Variants in SMCO4 observed in about 807,000 individuals in gnomAD.
The protein encoded by SMCO4 is single-pass membrane and coiled-coil domain-containing protein 4.
Under a neutral mutation model 3.6 loss-of-function variants are expected in SMCO4, and 4 were observed. The observed-to-expected ratio is 1.11, with a 90% CI of 0.54 to 2.53. SMCO4 has a LOEUF of 2.53. Among genes scored for constraint, SMCO4 ranks in the 30% most tolerant of loss-of-function variants. The pLI is 0.02. For missense variants in SMCO4, 70 were observed against 80.8 expected (o/e 0.87, Z 0.51); for synonymous variants, 36 against 35.3 (o/e 1.02, Z -0.07).
chr11:93,510,478 C>A (rs1272222868), intron 1 of SMCO4, among the ~76,000 whole-genome samples: 1 of 152,180 alleles, frequency 6.6e-6, no homozygotes. Context: ...AAAAAACAGT[C>A]ACTTTTCCTG....
intron 2 of SMCO4, among the ~76,000 whole-genome samples, chr11:93,484,281 C>T (rs1310656248): frequency 3.0e-4 from 45 of 152,168 alleles, no homozygotes; most frequent in Admixed American, 2.7e-3. Context: ...AGAACTTTCC[C>T]GTCTTTTCCT....
chr11:93,550,949 C>T, the SMCO4 span, among the ~76,000 whole-genome samples: 1 of 152,172 alleles, frequency 6.6e-6, no homozygotes, highest in South Asian at 2.1e-4. Flanking sequence ...AAAGGTGTTT[C>T]CTATCAACTA....
chr11:93,544,191 A>G (rs2134647235), upstream of SMCO4, among the ~76,000 whole-genome samples: 1 of 152,344 alleles, frequency 6.6e-6, no homozygotes, highest in African/African-American at 2.4e-5. Flanking sequence ...ATTAATTGAG[A>G]TGGTGCACTA....
intron 1 of SMCO4, among the ~76,000 whole-genome samples, chr11:93,538,521 G>A (rs1949247086): frequency 6.6e-6 from 1 of 152,164 alleles, no homozygotes; most frequent in South Asian, 2.1e-4. Flanking sequence ...CGATGCTCCT[G>A]GAAAGTTAGG....
intron 1 of SMCO4, among the ~76,000 whole-genome samples, chr11:93,517,185 C>T (rs528848783): frequency 2.0e-5 from 3 of 152,290 alleles, no homozygotes; most frequent in South Asian, 2.1e-4. Flanking sequence ...ACATCTCCAT[C>T]GATGTGTGCT....
At chr11:93,526,939 C>T (rs1949113703) in intron 1 of SMCO4, among the ~76,000 whole-genome samples, 1 of 152,196 alleles carries the variant, frequency 6.6e-6, no homozygotes, top group Non-Finnish European at 1.5e-5. Context: ...GAGCTCTAGG[C>T]CATTGCCCTT....
At chr11:93,534,203 AAAAT>A (rs1384254900) in intron 1 of SMCO4, among the ~76,000 whole-genome samples, 1 of 116,584 alleles carries the variant, frequency 8.6e-6, no homozygotes, top group African/African-American at 3.3e-5. Context: ...AAAAAAAAAA[AAAAT>A]ATATATATAC....
In SMCO4 at chr11:93,481,261, A is replaced by G. The variant is rs16918993; in HGVS notation, c.-80-1992T>C. ...GAACAATGAGAACAGCTTGTCTTAA[A>G]GGATGACTGTGAGAATCTGGAAAAC... is the stretch of plus-strand genomic sequence containing the variant. On this transcript the variant is annotated intron_variant, in intron 2 of 2. Coordinates refer to ENST00000298966, the MANE Select transcript of SMCO4 (RefSeq NM_020179.3). Among the ~76,000 whole-genome samples the G allele has an allele frequency of 8.1e-3, 1,237 of 152,364 alleles. 18 individuals are homozygous for G. The highest frequency in any genetic ancestry group is 0.028 in the African/African-American group (1,180 of 41,588).
intron 2 of SMCO4, chr11:93,481,654 C>T (rs1285736193): frequency 2.0e-5 from 6 of 302,278 alleles, no homozygotes; most frequent in Non-Finnish European, 2.4e-5. Context: ...TTGTAAATAC[C>T]CCATGGCTTC....
intron 1 of SMCO4, chr11:93,535,363 C>A: frequency 1.5e-6 from 1 of 685,622 alleles, no homozygotes; most frequent in South Asian, 1.8e-5. Flanking sequence ...GCTATGGACC[C>A]ACCACTCTTA....
At chr11:93,487,810 C>A (rs1486459508) in intron 2 of SMCO4, among the ~76,000 whole-genome samples, 1 of 152,230 alleles carries the variant, frequency 6.6e-6, no homozygotes, top group Non-Finnish European at 1.5e-5. Flanking sequence ...TCAGTCCCAT[C>A]CTGGCAATTC....
At chr11:93,489,755 C>T (rs1006213529) in intron 2 of SMCO4, among the ~76,000 whole-genome samples, 7 of 151,894 alleles carry the variant, frequency 4.6e-5, no homozygotes, top group Non-Finnish European at 8.8e-5. Flanking sequence ...TCCAAGGAGC[C>T]CCCTCTCTCC....
In SMCO4 at chr11:93,479,694, C is replaced by T. The variant is rs115055321; in HGVS notation, c.-80-425G>A. Among the ~76,000 whole-genome samples, 426 of 152,306 alleles carry T rather than the reference C, an allele frequency of 2.8e-3. 1 individual carries two copies. The highest frequency in any genetic ancestry group is 9.5e-3 in the African/African-American group (396 of 41,576). On this transcript the variant is annotated intron_variant, in intron 2 of 2. Coordinates refer to ENST00000298966, the MANE Select transcript of SMCO4 (RefSeq NM_020179.3). ...CATGGAACTGCAGGCAGCCTGCAGT[C>T]TCCAGGCACGTAGCCCCCTTCCTGC...
chr11:93,513,657 C>T (rs1948978798), intron 1 of SMCO4, among the ~76,000 whole-genome samples: 2 of 152,170 alleles, frequency 1.3e-5, no homozygotes, highest in African/African-American at 4.8e-5. Context: ...GCAGGTTTGT[C>T]TGTGAGAGGA....
chr11:93,538,934 C>T (rs1211454688), intron 1 of SMCO4, among the ~76,000 whole-genome samples: 4 of 152,198 alleles, frequency 2.6e-5, no homozygotes, highest in Non-Finnish European at 5.9e-5. Context: ...ACAGGCCTGA[C>T]CCTCTCTGCC....
intron 1 of SMCO4, among the ~76,000 whole-genome samples, chr11:93,520,147 C>T (rs1176542247): frequency 6.6e-6 from 1 of 152,188 alleles, no homozygotes; most frequent in Non-Finnish European, 1.5e-5. Context: ...AACGTTTGTA[C>T]TAGAGGCATC....
chr11:93,509,029 C>A (rs1948934140), intron 1 of SMCO4, among the ~76,000 whole-genome samples: 1 of 152,114 alleles, frequency 6.6e-6, no homozygotes, highest in Non-Finnish European at 1.5e-5. Context: ...GTGGCCCATG[C>A]CTGTAATCCC....
chr11:93,553,807 C>T, the SMCO4 span, among the ~76,000 whole-genome samples: 1 of 152,122 alleles, frequency 6.6e-6, no homozygotes, highest in East Asian at 1.9e-4. Context: ...CCTATAATAC[C>T]AAAAAGTCAC....
At chr11:93,540,233 C>G (rs1389837061) in intron 1 of SMCO4, among the ~76,000 whole-genome samples, 1 of 152,168 alleles carries the variant, frequency 6.6e-6, no homozygotes, top group African/African-American at 2.4e-5. Context: ...TCCCATTGAC[C>G]CAAGTACCTG....
Sources: gnomAD v4.1 joint callset for allele counts (sites outside exome capture counted in the v4.1 genomes callset) on GRCh38, gnomAD v4.1.1 for gene constraint, MANE v1.5 for transcripts, NCBI Gene and HGNC (gene_info 2026-07-23, HGNC 2026-07-21) for gene names.